The following ZNF143 variants were observed in gnomAD, a reference collection of about 807,000 sequenced individuals.
ZNF143 encodes the protein zinc finger protein 143, also known as SPH-binding factor.
Under a neutral mutation model 74.1 loss-of-function variants are expected in ZNF143, and 49 were observed. The ratio of observed to expected loss-of-function variants is 0.66; its 90% CI spans 0.53 to 0.84. ZNF143 has a LOEUF of 0.84. Among genes scored for constraint, ZNF143 ranks in the 40% least tolerant of loss-of-function variants. The pLI, the probability that ZNF143 is intolerant of heterozygous loss-of-function variation, is 0.00. For missense variants in ZNF143, 637 were observed against 793.4 expected (o/e 0.80, Z 2.37); for synonymous variants, 304 against 282.8 (o/e 1.07, Z -0.75).
At chr11:9,486,389 T>C (rs1239089601) in intron 7 of ZNF143, among the ~76,000 whole-genome samples, 2 of 18,586 alleles carry the variant, frequency 1.1e-4, no homozygotes, top group South Asian at 1.0e-3. Context: ...ATATATATAA[T>C]ATATATAATA....
chr11:9,472,553 C>G, intron 2 of ZNF143, 124 bp from the exon 3 acceptor site: 1 of 854,882 alleles, frequency 1.2e-6, no homozygotes, highest in East Asian at 2.7e-5. Context: ...CACCCGGCCG[C>G]TAAATCTCAT....
chr11:9,479,387 A>C, intron 6 of ZNF143, 85 bp from the exon 7 acceptor site: 1 of 1,013,392 alleles, frequency 9.9e-7, no homozygotes, highest in South Asian at 1.8e-5. Context: ...TTTTTTTTGC[A>C]AGCTTCTCCC....
chr11:9,516,445 T>C (rs1473673900), intron 14 of ZNF143, 83 bp downstream of exon 14: 2 of 1,301,000 alleles, frequency 1.5e-6, no homozygotes, highest in Non-Finnish European at 2.1e-6. Flanking sequence ...GGTACAACAG[T>C]TAAGCACACA....
chr11:9,518,223 C>G (rs1465030582), intron 14 of ZNF143, among the ~76,000 whole-genome samples: 1 of 152,112 alleles, frequency 6.6e-6, no homozygotes, highest in African/African-American at 2.4e-5. Flanking sequence ...GCATTTCAAA[C>G]CCAAGAAGAT....
At chr11:9,491,908 G>C (rs1378766830) in intron 7 of ZNF143, among the ~76,000 whole-genome samples, 2 of 151,930 alleles carry the variant, frequency 1.3e-5, no homozygotes, top group Non-Finnish European at 2.9e-5. Flanking sequence ...GGGATTATAG[G>C]CTTGAGCCAC....
Position 9,478,363 on chromosome 11 carries a change from TA to T in ZNF143, c.374-25del, listed in dbSNP as rs528511520. On this transcript the variant is annotated intron_variant, in intron 5 of 15. Coordinates refer to ENST00000396602, the MANE Select transcript of ZNF143 (RefSeq NM_003442.6). ...TATTTGTCAGATTTTACCTTTAATT[TA>T]ATGGCATTCTCTTCCACTCTCTCAG... 24 of 1,593,378 alleles carry T rather than the reference TA, an allele frequency of 1.5e-5. No homozygotes were observed. In the African/African-American group the frequency reaches 3.1e-4, roughly 20 times the overall value.
Position 9,504,731 on chromosome 11 carries a change from A to G in ZNF143, c.1147+3461A>G, listed in dbSNP as rs1268730683. Among the ~76,000 whole-genome samples, 4 of 112,306 alleles carry G rather than the reference A, an allele frequency of 3.6e-5. 2 individuals carry two copies. Among genetic ancestry groups the G allele is most frequent in the Non-Finnish European group, 8.3e-5 (4 of 48,044 alleles). The allele number at this position is 112,306 out of a possible 152,430, so 73.7% of individuals were successfully genotyped here. On this transcript the variant is annotated intron_variant, in intron 11 of 15. Transcript: ENST00000396602. Reference sequence around the variant, plus strand: ...GCTCTGTTGCCCAGGCTGGAGTGCAATGGCGTGATCTCAGCTCACTGCAAC... The same window carrying G: ...GCTCTGTTGCCCAGGCTGGAGTGCAGTGGCGTGATCTCAGCTCACTGCAAC...
chr11:9,506,892 T>G (rs997137059), intron 11 of ZNF143, among the ~76,000 whole-genome samples: 10 of 152,046 alleles, frequency 6.6e-5, no homozygotes, highest in African/African-American at 2.4e-4. Context: ...GCTCAAAAGC[T>G]CAATCCAAAT....
chr11:9,477,248 C>T (rs1198718295), intron 5 of ZNF143, among the ~76,000 whole-genome samples: 9 of 121,240 alleles, frequency 7.4e-5, no homozygotes, highest in African/African-American at 9.1e-5. Flanking sequence ...CCTTCCTTCC[C>T]TTCCTTCCTT....
intron 15 of ZNF143, among the ~76,000 whole-genome samples, chr11:9,527,217 C>T (rs183303651): frequency 1.4e-4 from 21 of 152,322 alleles, no homozygotes; most frequent in African/African-American, 4.3e-4. Context: ...AGCAATCTGC[C>T]TGCCTCCACC....
rs1208796028 is a variant in ZNF143 at position 9,484,285 on chromosome 11, C to G, written c.645+4739C>G. Among the ~76,000 whole-genome samples, 3 of 151,428 alleles carry G rather than the reference C, an allele frequency of 2.0e-5. No homozygotes were observed. In the East Asian group the frequency reaches 5.8e-4, roughly 29 times the overall value. On this transcript the variant is annotated intron_variant, in intron 7 of 15. Coordinates refer to ENST00000396602, the MANE Select transcript of ZNF143 (RefSeq NM_003442.6). ...CTCAGCTCACTGCAGCCACTGCCTC[C>G]TGGGTTTAACTGATTCACCTGCCTC...
At chr11:9,505,055 C>G (rs1565055391) in intron 11 of ZNF143, among the ~76,000 whole-genome samples, 1 of 118,444 alleles carries the variant, frequency 8.4e-6, no homozygotes, top group Non-Finnish European at 2.0e-5. Flanking sequence ...CTCACTGCAA[C>G]CTCCGCCTCC....
intron 7 of ZNF143, among the ~76,000 whole-genome samples, chr11:9,491,936 C>CTATT (rs950502059): frequency 1.3e-5 from 2 of 151,770 alleles, no homozygotes; most frequent in Non-Finnish European, 1.5e-5. Context: ...AGCCTACATA[C>CTATT]TATTTATTTA....
chr11:9,473,744 G>A, intron 3 of ZNF143, 197 bp from the exon 4 acceptor site: 1 of 1,511,624 alleles, frequency 6.6e-7, no homozygotes, highest in Non-Finnish European at 8.8e-7. Flanking sequence ...GGGGAGGAAG[G>A]ATGGCTGAGG....
At chr11:9,521,192 GTGT>G (rs1589952415) in intron 14 of ZNF143, among the ~76,000 whole-genome samples, 2 of 152,164 alleles carry the variant, frequency 1.3e-5, no homozygotes, top group African/African-American at 4.8e-5. Flanking sequence ...TTCACTGTTA[GTGT>G]TGTACATTCT....
Position 9,519,991 on chromosome 11 carries a change from A to G in ZNF143, c.1686+3629A>G, listed in dbSNP as rs925766517. ...GCTTGAGCCCAGGATTTTAAAACCA[A>G]CCTGGGCAATGTAGCAAGACACTGT... is the stretch of plus-strand genomic sequence containing the variant. On this transcript the variant is annotated intron_variant, in intron 14 of 15. Coordinates refer to ENST00000396602, the MANE Select transcript of ZNF143 (RefSeq NM_003442.6). Among the ~76,000 whole-genome samples the G allele has an allele frequency of 6.0e-5, 9 of 149,994 alleles. No individual in the cohort carries two copies. In the South Asian group the frequency reaches 1.9e-3, roughly 32 times the overall value.
chr11:9,481,733 C>G (rs1239974996), intron 7 of ZNF143, among the ~76,000 whole-genome samples: 1 of 151,456 alleles, frequency 6.6e-6, no homozygotes, highest in Non-Finnish European at 1.5e-5. Flanking sequence ...ACTAAAAATA[C>G]AAGAATTAGT....
chr11:9,508,642 GT>G lies in ZNF143; in HGVS notation c.1173del (p.Pro392LeufsTer85). The stretch of plus-strand genomic sequence containing the variant: ...AGGAGAAAAGCCATATGTTTGTACA[GT>G]TCCTGGGTGTGACAAAAGGTTTACA... Reference protein sequence around the residue: ...HTGEKPYVCTVPGCDKRFTEY... With the variant: ...HTGEKPYVCTXPGCDKRFTEY... On this transcript the variant is annotated frameshift_variant, in exon 12 of 16. Coordinates refer to ENST00000396602, the MANE Select transcript of ZNF143 (RefSeq NM_003442.6). LOFTEE classifies it high-confidence loss of function. 2 of 1,612,824 alleles carry G rather than the reference GT, an allele frequency of 1.2e-6. No homozygotes were observed. The highest frequency in any genetic ancestry group is 1.7e-6 in the Non-Finnish European group (2 of 1,180,022).
chr11:9,477,956 G>A (rs1205526880), intron 5 of ZNF143, among the ~76,000 whole-genome samples: 1 of 152,142 alleles, frequency 6.6e-6, no homozygotes. Context: ...CTCCCCAGTA[G>A]CTGGGAATAC....
Sources: allele counts gnomAD v4.1 joint callset (sites outside exome capture counted in the v4.1 genomes callset), GRCh38; gene constraint gnomAD v4.1.1; transcripts MANE v1.5; gene names NCBI Gene and HGNC (gene_info 2026-07-23, HGNC 2026-07-21).